Variants in EYS observed in about 807,000 individuals in gnomAD.
EYS encodes the protein EGF-like photoreceptor maintenance factor, also known as protein eyes shut homolog.
Under a neutral mutation model 282.1 loss-of-function variants are expected in EYS, and 250 were observed. That is an observed-to-expected ratio of 0.89 (90% CI 0.80 to 0.98). EYS has a LOEUF of 0.98. EYS is among the 50% of genes least tolerant of loss of function. EYS has a pLI of 0.00. For synonymous variants in EYS, 1,355 were observed against 1,282.9 expected (o/e 1.06, Z -1.20); for missense variants, 4,016 against 3,709.0 (o/e 1.08, Z -2.15).
intron 26 of EYS, among the ~76,000 whole-genome samples, chr6:64,566,852 A>C (rs115469525): frequency 0.032 from 4,900 of 152,076 alleles, 176 homozygotes; most frequent in East Asian, 0.11. Flanking sequence ...TGGCTCGCTG[A>C]AACCTCCACC....
chr6:64,349,326 G>T (rs1344408204), intron 29 of EYS, among the ~76,000 whole-genome samples: 6 of 151,026 alleles, frequency 4.0e-5, no homozygotes, highest in Non-Finnish European at 8.9e-5. Flanking sequence ...AGAGATATAA[G>T]CTCTGAGTAA....
At chr6:64,664,544 G>A (rs927446604) in intron 22 of EYS, among the ~76,000 whole-genome samples, 1 of 152,168 alleles carries the variant, frequency 6.6e-6, no homozygotes, top group Non-Finnish European at 1.5e-5. Flanking sequence ...GCAGTGAGCT[G>A]AATGTTTATT....
chr6:65,064,225 G>GTATGATATATATATGATATA (rs1773666690), intron 12 of EYS, among the ~76,000 whole-genome samples: 1 of 137,828 alleles, frequency 7.3e-6, no homozygotes, highest in Non-Finnish European at 1.5e-5. Flanking sequence ...TATTATATAT[G>GTATGATATATATATGATATA]TATGATATAT....
intron 35 of EYS, among the ~76,000 whole-genome samples, chr6:63,927,471 A>C (rs1764749398): frequency 6.6e-6 from 1 of 152,208 alleles, no homozygotes. Context: ...TAAAACAATT[A>C]ACATTTCTGC....
At chr6:64,635,264 T>A (rs1450245074) in intron 22 of EYS, among the ~76,000 whole-genome samples, 6 of 152,202 alleles carry the variant, frequency 3.9e-5, no homozygotes, top group Non-Finnish European at 8.8e-5. Flanking sequence ...TCATGTCATC[T>A]GCAACAGGGA....
In EYS at chr6:63,721,501, A is replaced by C. The variant is rs1249409942; in HGVS notation, c.8530T>G (p.Phe2844Val). 4 of 1,551,322 alleles carry C rather than the reference A, an allele frequency of 2.6e-6. No homozygotes were observed. Residue 2844 changes from phenylalanine to valine, a missense_variant, in exon 43 of 43, where the codon TTT becomes GTT. Coordinates refer to ENST00000503581, the MANE Select transcript of EYS (RefSeq NM_001142800.2). ...ATAACTTGTCGGATACAGCCTTGAA[A>C]ACCTACAGGTTCATTTTCTATTGCC... ...PMAIENEPVG[F>V]QGCIRQVIIN...
chr6:65,490,203 T>A (rs4710521), intron 5 of EYS: 15,163 of 155,158 alleles, frequency 0.098, 976 homozygotes, highest in South Asian at 0.18. Flanking sequence ...AGACTTTTTT[T>A]AAAGAAATTA....
At chr6:64,580,612 C>G (rs1349793546) in intron 26 of EYS, among the ~76,000 whole-genome samples, 1 of 152,020 alleles carries the variant, frequency 6.6e-6, no homozygotes, top group African/African-American at 2.4e-5. Context: ...AGTTGGAATG[C>G]TTAGGATTTT....
intron 12 of EYS, among the ~76,000 whole-genome samples, chr6:65,249,642 T>C (rs1767268581): frequency 6.6e-6 from 1 of 151,932 alleles, no homozygotes; most frequent in Admixed American, 6.6e-5. Context: ...AAAAATAATG[T>C]ATAAAAATTG....
intron 11 of EYS, among the ~76,000 whole-genome samples, chr6:65,301,570 G>C (rs1372429028): frequency 6.6e-6 from 1 of 152,180 alleles, no homozygotes; most frequent in African/African-American, 2.4e-5. Context: ...CGGGAGTCGG[G>C]GATAGTGTCA....
chr6:63,851,635 A>T (rs958128238), intron 36 of EYS, among the ~76,000 whole-genome samples: 1 of 152,210 alleles, frequency 6.6e-6, no homozygotes, highest in African/African-American at 2.4e-5. Flanking sequence ...GAGAACAAAG[A>T]CACAACATAT....
intron 35 of EYS, among the ~76,000 whole-genome samples, chr6:63,935,538 A>G (rs1031706098): frequency 6.6e-6 from 1 of 152,182 alleles, no homozygotes; most frequent in Non-Finnish European, 1.5e-5. Flanking sequence ...AAAAAATTTG[A>G]AAAGGAGGAA....
At chr6:64,962,497 A>G (rs908000925) in intron 14 of EYS, among the ~76,000 whole-genome samples, 3 of 151,972 alleles carry the variant, frequency 2.0e-5, no homozygotes, top group Non-Finnish European at 4.4e-5. Flanking sequence ...TTGGGAGGCC[A>G]AGGCGGGAGG....
intron 30 of EYS, among the ~76,000 whole-genome samples, chr6:64,246,460 G>GGT (rs770857200): frequency 6.6e-6 from 1 of 151,890 alleles, no homozygotes; most frequent in African/African-American, 2.4e-5. Context: ...CTTTTGAAGG[G>GGT]GTGTGTGTGT....
intron 12 of EYS, among the ~76,000 whole-genome samples, chr6:65,187,618 T>C (rs2150237489): frequency 6.6e-6 from 1 of 151,796 alleles, no homozygotes; most frequent in Middle Eastern, 3.4e-3. Context: ...TATAGTGTTG[T>C]CAGTTAAGCA....
At chr6:64,876,226 G>T (rs1269387689) in intron 19 of EYS, among the ~76,000 whole-genome samples, 2 of 151,944 alleles carry the variant, frequency 1.3e-5, no homozygotes, top group Non-Finnish European at 2.9e-5. Flanking sequence ...GATTCACAGG[G>T]TTGTAAAAAA....
intron 35 of EYS, among the ~76,000 whole-genome samples, chr6:63,877,805 G>A (rs796887779): frequency 4.1e-4 from 62 of 152,238 alleles, no homozygotes; most frequent in African/African-American, 1.3e-3. Context: ...CTTGTGCCAT[G>A]GTTTTCAGCT....
intron 27 of EYS, among the ~76,000 whole-genome samples, chr6:64,438,435 G>A (rs1202426255): frequency 6.6e-6 from 1 of 151,674 alleles, no homozygotes; most frequent in African/African-American, 2.4e-5. Context: ...ACTTATGAGA[G>A]TAAAAGTGAA....
intron 5 of EYS, among the ~76,000 whole-genome samples, chr6:65,419,780 A>G (rs1240720335): frequency 2.0e-5 from 3 of 151,994 alleles, no homozygotes; most frequent in African/African-American, 7.2e-5. Context: ...AAGTGCATAC[A>G]GGCATATCCT....
Sources: allele counts gnomAD v4.1 joint callset (sites outside exome capture counted in the v4.1 genomes callset), GRCh38; gene constraint gnomAD v4.1.1; transcripts MANE v1.5; gene names NCBI Gene and HGNC (gene_info 2026-07-23, HGNC 2026-07-21).